EIF3D: variants seen among roughly 807,000 people sequenced by gnomAD.
The protein encoded by EIF3D is eukaryotic translation initiation factor 3 subunit D.
A neutral mutation model predicts 75.4 loss-of-function variants in EIF3D; 10 were observed. That is an observed-to-expected ratio of 0.13 (90% CI 0.08 to 0.22). The LOEUF (loss-of-function observed/expected upper bound fraction) is 0.22. Among genes scored for constraint, EIF3D ranks in the 10% least tolerant of loss-of-function variants. The pLI is 1.00. For missense variants in EIF3D, 394 were observed against 708.0 expected (o/e 0.56, Z 5.03); for synonymous variants, 246 against 248.3 (o/e 0.99, Z 0.09).
intron 12 of EIF3D, 196 bp from the exon 13 acceptor site, chr22:36,512,798 C>T: frequency 1.7e-6 from 1 of 590,132 alleles, no homozygotes; most frequent in East Asian, 3.0e-5. Flanking sequence ...CACTCAACGA[C>T]TTACAATTCC....
chr22:36,527,347 G>GA (rs1934621017), intron 1 of EIF3D, among the ~76,000 whole-genome samples: 1 of 152,202 alleles, frequency 6.6e-6, no homozygotes, highest in Admixed American at 6.5e-5. Context: ...GCTAGTGGAT[G>GA]AAAAACGTGA....
chr22:36,527,360 C>G (rs986604142), intron 1 of EIF3D, among the ~76,000 whole-genome samples: 11 of 152,180 alleles, frequency 7.2e-5, no homozygotes, highest in Non-Finnish European at 1.6e-4. Flanking sequence ...AAACGTGAAC[C>G]AAAGCAGTCT....
chr22:36,514,713 C>T (rs1934396824), intron 12 of EIF3D, among the ~76,000 whole-genome samples: 1 of 152,176 alleles, frequency 6.6e-6, no homozygotes, highest in Non-Finnish European at 1.5e-5. Flanking sequence ...GGGAAATGAA[C>T]TTTACCCACA....
At chr22:36,523,086 C>A (rs1555888943) in intron 6 of EIF3D, 123 bp downstream of exon 6, 4 of 841,944 alleles carry the variant, frequency 4.8e-6, no homozygotes, top group Non-Finnish European at 8.1e-6. Context: ...CAGAACTCTT[C>A]AAATATATTA....
chr22:36,519,396 G>A lies in EIF3D; in HGVS notation c.711+9C>T. ...AACAAGGGGGAGAGGGGCAGAAGGA[G>A]GCGCACACCTTGCGGATGACAGGGT... On this transcript the variant is annotated intron_variant, in intron 8 of 14. Transcript: ENST00000216190. 1 of 1,614,174 alleles carries A rather than the reference G, an allele frequency of 6.2e-7. No individual in the cohort carries two copies. The highest frequency in any genetic ancestry group is 1.1e-5 in the South Asian group (1 of 91,080).
chr22:36,519,480 C>T lies in EIF3D; in HGVS notation c.636G>A (p.Arg212=). ...YDKAFDRITT[R]SEKPLRSIKR... ...TGATGCTCCGCAGTGGCTTCTCACTCCTCGTGGTGATGCGGTCAAAGGCTT... is the reference window on the plus strand; with the variant it reads ...TGATGCTCCGCAGTGGCTTCTCACTTCTCGTGGTGATGCGGTCAAAGGCTT... The change falls in exon 8 of 15, where the codon AGG becomes AGA. Residue 212 remains arginine (R), a synonymous_variant. Transcript: ENST00000216190. 1 of 1,614,170 alleles carries T rather than the reference C, an allele frequency of 6.2e-7. No homozygotes were observed. Among genetic ancestry groups the T allele is most frequent in the East Asian group, 2.2e-5 (1 of 44,874 alleles).
rs1315223931 is a variant in EIF3D, at chr22:36,516,735, T to C, written c.1046A>G (p.Asp349Gly). ...NPNPFVEDDM[D>G]KNEIASVAYR... ...CGCAACAGAGGCGATTTCATTCTTATCCATGTCGTCCTCCACAAACGGGTT... is the reference window on the plus strand; with the variant it reads ...CGCAACAGAGGCGATTTCATTCTTACCCATGTCGTCCTCCACAAACGGGTT... The change falls in exon 11 of 15, where the codon GAT becomes GGT. Residue 349 changes from aspartate (D) to glycine (G), a missense_variant. Transcript: ENST00000216190. The C allele has an allele frequency of 1.2e-6, 2 of 1,614,122 alleles. No homozygotes were observed. Among genetic ancestry groups the C allele is most frequent in the Non-Finnish European group, 1.7e-6 (2 of 1,180,044 alleles).
chr22:36,523,347 G>T, intron 5 of EIF3D, 66 bp from the exon 6 acceptor site: 1 of 1,240,548 alleles, frequency 8.1e-7, no homozygotes, highest in Non-Finnish European at 1.2e-6. Flanking sequence ...AAAGGCACAC[G>T]CTGCCATTCT....
intron 6 of EIF3D, 36 bp from the exon 7 acceptor site, chr22:36,520,724 T>C (rs1688074686): frequency 3.5e-6 from 5 of 1,447,400 alleles, no homozygotes; most frequent in Non-Finnish European, 4.8e-6. Flanking sequence ...AAAAAAGTTA[T>C]AGTCCATACA....
chr22:36,511,476 G>C, intron 14 of EIF3D, 27 bp downstream of exon 14: 5 of 1,612,676 alleles, frequency 3.1e-6, no homozygotes, highest in Non-Finnish European at 3.4e-6. Flanking sequence ...GATCACTCTA[G>C]ACCTCAGAAA....
chr22:36,514,658 G>A (rs1243736347), intron 12 of EIF3D, among the ~76,000 whole-genome samples: 1 of 152,198 alleles, frequency 6.6e-6, no homozygotes, highest in African/African-American at 2.4e-5. Context: ...GAGGCTCCCA[G>A]CTGACAACTG....
intron 7 of EIF3D, among the ~76,000 whole-genome samples, chr22:36,520,079 T>G (rs894971779): frequency 6.6e-6 from 1 of 152,208 alleles, no homozygotes; most frequent in Non-Finnish European, 1.5e-5. Context: ...GTTGTATAAC[T>G]CATTTCTTCT....
rs1934340954 is a variant in EIF3D, at chr22:36,511,770, G to A, written c.1366C>T (p.His456Tyr). 1 of 1,613,318 alleles carries A rather than the reference G, an allele frequency of 6.2e-7. No homozygotes were observed. Among genetic ancestry groups the A allele is most frequent in the Non-Finnish European group, 8.5e-7 (1 of 1,179,488 alleles). The change falls in exon 14 of 15, where the codon CAC becomes TAC. Residue 456 changes from histidine to tyrosine, a missense_variant. Coordinates refer to ENST00000216190, the MANE Select transcript of EIF3D (RefSeq NM_003753.4). ...ACGTGGCGTGAGGAGTCTTTCACGTGGTACCGAGACACATAACTAACAGGG... is the reference window on the plus strand; with the variant it reads ...ACGTGGCGTGAGGAGTCTTTCACGTAGTACCGAGACACATAACTAACAGGG... ...YLKLGYVSRY[H>Y]VKDSSRHVIL...
intron 1 of EIF3D, among the ~76,000 whole-genome samples, chr22:36,527,434 T>C (rs1934622780): frequency 6.6e-6 from 1 of 152,244 alleles, no homozygotes; most frequent in South Asian, 2.1e-4. Context: ...ACCGGCGCTG[T>C]ATAGCAGATG....
intron 10 of EIF3D, 148 bp downstream of exon 10, chr22:36,517,153 G>T: frequency 1.9e-6 from 2 of 1,042,814 alleles, no homozygotes; most frequent in Admixed American, 2.8e-5. Context: ...TAACATCCAA[G>T]CCCAGGCATG....
Position 36,519,664 on chromosome 22 carries a change from C to G in EIF3D, c.579-127G>C, listed in dbSNP as rs1299631590. 5.3e-6 allele frequency: 7 copies of G among 1,320,996 alleles called. No homozygotes were observed. The African/African-American group carries it at 1.0e-4, about 19-fold the overall frequency. The allele number at this position is 1,320,996 out of a possible 1,614,324, so 81.8% of individuals were successfully genotyped here. A position where few individuals can be genotyped will look rare whatever the true frequency, so the allele number is the denominator to read the frequency against. Reference sequence around the variant, plus strand: ...GGTGGAAAGCAATCTCTGGCCAGAGCAGGAGAGACGAATCCTCAGTGCTTG... The same window carrying G: ...GGTGGAAAGCAATCTCTGGCCAGAGGAGGAGAGACGAATCCTCAGTGCTTG... On this transcript the variant is annotated intron_variant, in intron 7 of 14. Transcript: ENST00000216190.
intron 3 of EIF3D, 48 bp from the exon 4 acceptor site, chr22:36,524,780 C>T (rs1485652240): frequency 1.2e-6 from 2 of 1,613,086 alleles, no homozygotes; most frequent in Admixed American, 1.7e-5. Context: ...ACAGACTTTA[C>T]CAGATATGCA....
chr22:36,520,151 T>C (rs1415742184), intron 7 of EIF3D, among the ~76,000 whole-genome samples: 5 of 149,232 alleles, frequency 3.4e-5, no homozygotes, highest in African/African-American at 7.5e-5. Flanking sequence ...GCTTTTCCCC[T>C]TGGTCTTGAT....
In EIF3D at chr22:36,518,924, C is replaced by T. The variant is rs1175959628; in HGVS notation, c.712-14G>A. 6 of 1,613,128 alleles carry T rather than the reference C, an allele frequency of 3.7e-6. No homozygotes were observed. The highest frequency in any genetic ancestry group is 1.7e-5 in the Admixed American group (1 of 59,976). ...AGTTTTTGCCAGCTGCAAAGAGGAT[C>T]AAAGAGAGAAGATGGAAAGACACTC... On this transcript the variant is annotated splice_polypyrimidine_tract_variant and intron_variant, in intron 8 of 14. Transcript: ENST00000216190.
Sources: allele counts gnomAD v4.1 joint callset (sites outside exome capture counted in the v4.1 genomes callset), GRCh38; gene constraint gnomAD v4.1.1; transcripts MANE v1.5; gene names NCBI Gene and HGNC (gene_info 2026-07-23, HGNC 2026-07-21).